The following FAM135B variants were observed in gnomAD, a reference collection of about 807,000 sequenced individuals.
The protein encoded by FAM135B is family with sequence similarity 135 member B.
A neutral mutation model predicts 127.7 loss-of-function variants in FAM135B; 43 were observed. The ratio of observed to expected loss-of-function variants is 0.34; its 90% CI spans 0.26 to 0.43. FAM135B has a LOEUF of 0.43. Ranked by LOEUF, FAM135B falls within the 20% of genes least tolerant of loss-of-function variation. FAM135B has a pLI of 1.00. For synonymous variants in FAM135B, 670 were observed against 665.1 expected (o/e 1.01, Z -0.11); for missense variants, 1,558 against 1,725.6 (o/e 0.90, Z 1.72).
At chr8:138,189,205 G>A (rs779890553) in intron 9 of FAM135B, among the ~76,000 whole-genome samples, 4 of 152,172 alleles carry the variant, frequency 2.6e-5, no homozygotes, top group Admixed American at 6.5e-5. Context: ...GCTTGACAGC[G>A]TTGCTTCGCA....
chr8:138,252,857 TGGC>T (rs1586891212), intron 5 of FAM135B, among the ~76,000 whole-genome samples: 2 of 152,308 alleles, frequency 1.3e-5, no homozygotes, highest in East Asian at 3.9e-4. Flanking sequence ...TGGAGTGCAG[TGGC>T]ATAATCTCGG....
At chr8:138,489,740 A>G (rs909901781) in intron 1 of FAM135B, among the ~76,000 whole-genome samples, 2 of 152,064 alleles carry the variant, frequency 1.3e-5, no homozygotes, top group African/African-American at 4.8e-5. Context: ...CTCTGAGCCC[A>G]CACATCCTAC....
At chr8:138,427,348 A>G (rs982958188) in intron 1 of FAM135B, among the ~76,000 whole-genome samples, 5 of 151,578 alleles carry the variant, frequency 3.3e-5, no homozygotes, top group Middle Eastern at 3.5e-3. Flanking sequence ...ATATTTTAAT[A>G]AAATACTTAA....
At chr8:138,226,184 T>TGTGTGTGTGTGCGCGCGCGC in intron 7 of FAM135B, among the ~76,000 whole-genome samples, 93 of 139,292 alleles carry the variant, frequency 6.7e-4, no homozygotes, top group East Asian at 3.9e-3. Flanking sequence ...TGTGTGTGTG[T>TGTGTGTGTGTGCGCGCGCGC]GCGCGCATGT....
intron 4 of FAM135B, among the ~76,000 whole-genome samples, chr8:138,259,117 A>G (rs190564753): frequency 6.6e-6 from 1 of 152,174 alleles, no homozygotes; most frequent in African/African-American, 2.4e-5. Flanking sequence ...ATTTTCCCAA[A>G]CTCAGCTAGT....
chr8:138,177,444 A>G lies in FAM135B; in HGVS notation c.1030-24T>C, dbSNP rs1196595652. On this transcript the variant is annotated intron_variant, in intron 10 of 19. Transcript: ENST00000395297. ...ACCTGCAGAATAAAACAATGTAAAC[A>G]GTTCAATTCTTTAGGTAGGTATTAC... The G allele has an allele frequency of 3.1e-6, 5 of 1,593,520 alleles. No individual in the cohort carries two copies. The African/African-American group carries it at 4.0e-5, about 13-fold the overall frequency.
chr8:138,160,301 T>C (rs932977300), intron 12 of FAM135B, among the ~76,000 whole-genome samples: 8 of 152,174 alleles, frequency 5.3e-5, no homozygotes, highest in Non-Finnish European at 8.8e-5. Context: ...TGAAGGCTTA[T>C]GGAAACCCAC....
intron 5 of FAM135B, among the ~76,000 whole-genome samples, chr8:138,253,012 G>T (rs1305207069): frequency 6.6e-6 from 1 of 152,112 alleles, no homozygotes; most frequent in African/African-American, 2.4e-5. Context: ...TGTTGGGCAG[G>T]CTGGTCTCGA....
chr8:138,192,913 A>T (rs959624954), intron 9 of FAM135B, among the ~76,000 whole-genome samples: 3 of 152,304 alleles, frequency 2.0e-5, no homozygotes, highest in African/African-American at 4.8e-5. Context: ...ATTCATTTTT[A>T]TCCCCATTTA....
chr8:138,435,315 A>C (rs1835402857), intron 1 of FAM135B, among the ~76,000 whole-genome samples: 1 of 152,008 alleles, frequency 6.6e-6, no homozygotes, highest in Admixed American at 6.6e-5. Flanking sequence ...AAAAAGAAAA[A>C]GAAAAAAAAA....
chr8:138,368,805 C>T (rs1386994189), intron 1 of FAM135B, among the ~76,000 whole-genome samples: 1 of 152,010 alleles, frequency 6.6e-6, no homozygotes, highest in African/African-American at 2.4e-5. Context: ...CCGAGAGGTA[C>T]ATTTAAAGCA....
chr8:138,222,248 A>C (rs1261470646), intron 7 of FAM135B, among the ~76,000 whole-genome samples: 1 of 152,210 alleles, frequency 6.6e-6, no homozygotes, highest in Non-Finnish European at 1.5e-5. Flanking sequence ...AGGAGCAGGT[A>C]GTGGCAGATA....
intron 11 of FAM135B, among the ~76,000 whole-genome samples, chr8:138,169,265 C>T (rs1258578095): frequency 6.6e-6 from 1 of 151,942 alleles, no homozygotes; most frequent in East Asian, 1.9e-4. Context: ...TTCATCAAAG[C>T]CCTGAAGGCT....
At chr8:138,179,827 T>A (rs557486878) in intron 9 of FAM135B, among the ~76,000 whole-genome samples, 8 of 152,238 alleles carry the variant, frequency 5.3e-5, no homozygotes, top group Admixed American at 3.3e-4. Flanking sequence ...TGGCTGGGAC[T>A]ACAGGTGCAT....
Position 138,322,913 on chromosome 8 carries a change from C to G in FAM135B, c.78-11993G>C, listed in dbSNP as rs539627844. Among the ~76,000 whole-genome samples, 22 of 152,238 alleles carry G rather than the reference C, an allele frequency of 1.4e-4. No individual in the cohort carries two copies. In the South Asian group the frequency reaches 4.2e-3, roughly 29 times the overall value. On this transcript the variant is annotated intron_variant, in intron 2 of 19. Transcript: ENST00000395297. ...TGCAAAGTCCTGCCAATAAAAGAGG[C>G]CTTGGTGTTCCAAAAGATAAGAAAC...
chr8:138,143,814 A>G (rs151320305), intron 15 of FAM135B, among the ~76,000 whole-genome samples: 1 of 152,362 alleles, frequency 6.6e-6, no homozygotes, highest in African/African-American at 2.4e-5. Flanking sequence ...CTATAACACC[A>G]TGGGCTGCCA....
intron 3 of FAM135B, among the ~76,000 whole-genome samples, chr8:138,301,082 T>C (rs757865801): frequency 3.3e-5 from 5 of 152,100 alleles, no homozygotes; most frequent in African/African-American, 7.2e-5. Context: ...TTAGGAGATC[T>C]GGGAGTCAGG....
At chr8:138,314,703 A>ATAAATAAATAAATAAATAAG (rs1826942400) in intron 2 of FAM135B, among the ~76,000 whole-genome samples, 1 of 148,058 alleles carries the variant, frequency 6.8e-6, no homozygotes, top group Non-Finnish European at 1.5e-5. Context: ...CAATAAATAA[A>ATAAATAAATAAATAAATAAG]TAAATAAATA....
chr8:138,436,391 CAT>C lies in FAM135B; in HGVS notation c.-20+60278_-20+60279del, dbSNP rs148465521. 5.4e-3 allele frequency among the ~76,000 whole-genome samples: 815 copies of C among 152,200 alleles called. 2 individuals carry two copies. Among genetic ancestry groups the C allele is most frequent in the African/African-American group, 0.019 (792 of 41,538 alleles). On this transcript the variant is annotated intron_variant, in intron 1 of 19. Transcript: ENST00000395297. ...CACTGTGATATGAGAGGGTGACAAT[CAT>C]ATGATGTGGAAAGGTGGCTCACTCT...
Sources: allele counts gnomAD v4.1 joint callset (sites outside exome capture counted in the v4.1 genomes callset), GRCh38; gene constraint gnomAD v4.1.1; transcripts MANE v1.5; gene names NCBI Gene and HGNC (gene_info 2026-07-23, HGNC 2026-07-21).